Variants in ABI1 observed in about 807,000 individuals in gnomAD.
The protein encoded by ABI1 is abl interactor 1.
ABI1 carries 14 observed loss-of-function variants against 54.6 expected under a neutral mutation model. That is an observed-to-expected ratio of 0.26 (90% CI 0.17 to 0.40). ABI1 has a LOEUF of 0.40. Among genes scored for constraint, ABI1 ranks in the 10% least tolerant of loss-of-function variants. The pLI is 1.00. For missense variants in ABI1, 443 were observed against 598.3 expected (o/e 0.74, Z 2.71); for synonymous variants, 194 against 209.3 (o/e 0.93, Z 0.63).
rs916590454 is a variant in ABI1 at position 26,771,119 on chromosome 10, A to T, written c.463-30T>A. On this transcript the variant is annotated intron_variant, in intron 3 of 10. Transcript: ENST00000376140. ...ACGTTGGCAAAAAAAGGGGGGGAAA[A>T]AGTAGACATTAATGCTAGGTAAGTT... The T allele has an allele frequency of 2.5e-6, 4 of 1,612,808 alleles. No homozygotes were observed. The South Asian group carries it at 3.3e-5, about 13-fold the overall frequency.
intron 1 of ABI1, among the ~76,000 whole-genome samples, chr10:26,831,247 A>G (rs1226808739): frequency 6.6e-6 from 1 of 152,134 alleles, no homozygotes; most frequent in Non-Finnish European, 1.5e-5. Flanking sequence ...AAAAAAAAAA[A>G]ATACAAAACA....
intron 2 of ABI1, among the ~76,000 whole-genome samples, chr10:26,789,833 A>G (rs1013983918): frequency 1.3e-5 from 2 of 152,148 alleles, no homozygotes; most frequent in African/African-American, 4.8e-5. Flanking sequence ...CTATGTGTCC[A>G]TATGTTCTCA....
intron 2 of ABI1, among the ~76,000 whole-genome samples, chr10:26,790,022 C>T (rs1843211213): frequency 6.6e-6 from 1 of 152,176 alleles, no homozygotes; most frequent in Non-Finnish European, 1.5e-5. Context: ...TTTTCTTTAT[C>T]CAGTCTATCA....
chr10:26,801,252 A>G (rs1272140004), intron 2 of ABI1, among the ~76,000 whole-genome samples: 1 of 152,114 alleles, frequency 6.6e-6, no homozygotes, highest in Non-Finnish European at 1.5e-5. Flanking sequence ...TTTCTAGAAA[A>G]TACACACCAT....
At chr10:26,829,551 C>CA (rs2048530197) in intron 1 of ABI1, among the ~76,000 whole-genome samples, 2 of 151,922 alleles carry the variant, frequency 1.3e-5, no homozygotes, top group Non-Finnish European at 2.9e-5. Context: ...ATGCACATTT[C>CA]AAAAAATATT....
intron 2 of ABI1, among the ~76,000 whole-genome samples, chr10:26,804,492 G>T (rs1479887573): frequency 1.3e-5 from 2 of 152,066 alleles, no homozygotes; most frequent in Non-Finnish European, 2.9e-5. Context: ...AACAGAGAAA[G>T]GCAATATATC....
chr10:26,764,539 T>C (rs1014878995), intron 7 of ABI1, among the ~76,000 whole-genome samples: 24 of 152,228 alleles, frequency 1.6e-4, no homozygotes, highest in African/African-American at 5.8e-4. Flanking sequence ...CCAGCTGGAG[T>C]ATCGTACAAT....
intron 1 of ABI1, among the ~76,000 whole-genome samples, chr10:26,841,735 T>A (rs2049527173): frequency 6.6e-6 from 1 of 152,174 alleles, no homozygotes; most frequent in Non-Finnish European, 1.5e-5. Flanking sequence ...GCATACTGCC[T>A]CCAGGTCATC....
chr10:26,748,567 A>G lies in ABI1; in HGVS notation c.*3T>C, dbSNP rs7086847. 8,320 of 1,593,296 alleles carry G rather than the reference A, an allele frequency of 5.2e-3. 206 individuals are homozygous for G. The African/African-American group carries it at 0.071, about 14-fold the overall frequency. Reference sequence around the variant, plus strand: ...AGAATCTACTTCAAAAGAAAAAAAAAAATTAATCAGTATAGTGCATGATTG... The same window carrying G: ...AGAATCTACTTCAAAAGAAAAAAAAGAATTAATCAGTATAGTGCATGATTG... On this transcript the variant is annotated 3_prime_UTR_variant, in exon 11 of 11. Transcript: ENST00000376140.
intron 2 of ABI1, among the ~76,000 whole-genome samples, chr10:26,822,829 T>C (rs968747527): frequency 6.6e-6 from 1 of 152,182 alleles, no homozygotes; most frequent in Admixed American, 6.5e-5. Flanking sequence ...GTTCTTTATG[T>C]ACAAATAACT....
intron 5 of ABI1, among the ~76,000 whole-genome samples, chr10:26,769,457 T>A: frequency 6.6e-6 from 1 of 152,266 alleles, no homozygotes. Context: ...TTTCGACTAT[T>A]CTGTTTAATA....
chr10:26,751,193 C>T (rs535359217), intron 10 of ABI1, among the ~76,000 whole-genome samples: 1 of 152,104 alleles, frequency 6.6e-6, no homozygotes, highest in South Asian at 2.1e-4. Flanking sequence ...TTGAAAAGAT[C>T]CTAAAGTGAA....
At position 26,860,906 on chromosome 10, in the gene ABI1, G is replaced by GA. The variant is rs772650585; in HGVS notation, c.-44dup. 8 of 1,581,454 alleles carry GA rather than the reference G, an allele frequency of 5.1e-6. No individual in the cohort carries two copies. Among genetic ancestry groups the GA allele is most frequent in the Non-Finnish European group, 6.1e-6 (7 of 1,151,678 alleles). Reference sequence around the variant, plus strand: ...CGCTTCCTCTCGCGTTAAAGAGACAGAGGCAGCAAGGTCCGCCGAGGCTCC... The same window carrying GA: ...CGCTTCCTCTCGCGTTAAAGAGACAGAAGGCAGCAAGGTCCGCCGAGGCTCC... On this transcript the variant is annotated 5_prime_UTR_variant, in exon 1 of 11. Transcript: ENST00000376140. This position sits in a 1 kb window ranked among gnomAD's most constrained non-coding sequence, Gnocchi z 4.1.
rs545776169 is a variant in ABI1, at chr10:26,840,912, A to G, written c.118-17607T>C. ...GGCCACACCAATACAGTTTTGGTCC[A>G]TCATCAACCACTACCATTAGATTCT... is the stretch of plus-strand genomic sequence containing the variant. On this transcript the variant is annotated intron_variant, in intron 1 of 10. Transcript: ENST00000376140. 3.6e-4 allele frequency among the ~76,000 whole-genome samples: 55 copies of G among 152,086 alleles called. 1 individual carries two copies. The South Asian group carries it at 0.011, about 30-fold the overall frequency.
At chr10:26,802,962 A>G (rs758532094) in intron 2 of ABI1, among the ~76,000 whole-genome samples, 8 of 152,246 alleles carry the variant, frequency 5.3e-5, no homozygotes, top group Non-Finnish European at 1.2e-4. Flanking sequence ...AGGAAAGCAT[A>G]GATCAGGAAG....
intron 7 of ABI1, among the ~76,000 whole-genome samples, chr10:26,761,635 TATATATATATATATATATATATATATAC>T (rs1191098956): frequency 9.0e-6 from 1 of 110,810 alleles, no homozygotes; most frequent in East Asian, 2.7e-4. Context: ...TATATATATA[TATATATATATATATATATATATATATAC>T]ACACACACAT....
chr10:26,830,635 A>AC (rs1354649733), intron 1 of ABI1, among the ~76,000 whole-genome samples: 2 of 151,708 alleles, frequency 1.3e-5, no homozygotes, highest in Admixed American at 6.6e-5. Context: ...AAAAAAAAAA[A>AC]AAAAAACAAA....
At chr10:26,770,614 G>A (rs1465719577) in intron 4 of ABI1, 3 of 636,472 alleles carry the variant, frequency 4.7e-6, no homozygotes, top group African/African-American at 1.8e-5. Flanking sequence ...CATGTTCACT[G>A]AGATCAAACT....
At chr10:26,857,951 A>G (rs1043466589) in intron 1 of ABI1, among the ~76,000 whole-genome samples, 8 of 152,198 alleles carry the variant, frequency 5.3e-5, no homozygotes, top group Non-Finnish European at 1.2e-4. Flanking sequence ...TTAAAAGTCA[A>G]CAGAACCAAA....
Sources: allele counts gnomAD v4.1 joint callset (sites outside exome capture counted in the v4.1 genomes callset), GRCh38; gene constraint gnomAD v4.1.1; non-coding constraint Gnocchi (gnomAD v3.1); transcripts MANE v1.5; gene names NCBI Gene and HGNC (gene_info 2026-07-23, HGNC 2026-07-21).